MDGA2: variants seen among roughly 807,000 people sequenced by gnomAD.
MDGA2 encodes the protein MAM domain containing glycosylphosphatidylinositol anchor 2.
Under a neutral mutation model 117.8 loss-of-function variants are expected in MDGA2, and 40 were observed. The observed-to-expected ratio is 0.34, with a 90% CI of 0.26 to 0.44. The LOEUF is 0.44. MDGA2 is among the 20% of genes least tolerant of loss of function. The pLI is 1.00. For synonymous variants in MDGA2, 452 were observed against 439.0 expected, an observed-to-expected ratio of 1.03 and a Z score of -0.37; for missense variants, 1,123 against 1,250.6, an observed-to-expected ratio of 0.90 and a Z score of 1.54.
In MDGA2 at chr14:47,225,669, G is replaced by C. The variant is rs573351528; in HGVS notation, c.421-7474C>G. Among the ~76,000 whole-genome samples the C allele has an allele frequency of 9.7e-4, 147 of 151,694 alleles. 3 individuals carry two copies. Among genetic ancestry groups the C allele is most frequent in the African/African-American group, 3.3e-3 (136 of 41,320 alleles). On this transcript the variant is annotated intron_variant, in intron 2 of 16. Transcript: ENST00000399232. ...ACACTCTGGGGACTGTTGTGGGGTG[G>C]GGGGAGTGGGGAGGGATAGCATTAG...
chr14:47,517,711 G>C (rs957720412), intron 1 of MDGA2, among the ~76,000 whole-genome samples: 1 of 152,094 alleles, frequency 6.6e-6, no homozygotes, highest in Non-Finnish European at 1.5e-5. Flanking sequence ...CATAAGGCTA[G>C]AGTGAACTGA....
intron 1 of MDGA2, among the ~76,000 whole-genome samples, chr14:47,360,761 T>TA (rs1248646350): frequency 1.6e-4 from 24 of 152,304 alleles, no homozygotes; most frequent in South Asian, 2.1e-4. Context: ...CTTGTAGAGA[T>TA]ATCTGTGCTG....
intron 1 of MDGA2, among the ~76,000 whole-genome samples, chr14:47,396,227 T>C (rs1191728352): frequency 2.6e-5 from 4 of 152,192 alleles, no homozygotes; most frequent in African/African-American, 9.7e-5. Flanking sequence ...AGGCTTTCAT[T>C]ATTATAGTCA....
chr14:47,331,493 C>G lies in MDGA2; in HGVS notation c.281-29943G>C, dbSNP rs542503320. 2.0e-4 allele frequency among the ~76,000 whole-genome samples: 31 copies of G among 151,860 alleles called. No homozygotes were observed. The South Asian group carries it at 6.0e-3, about 29-fold the overall frequency. ...TAGTTTAGCTTATACACATAGACAT[C>G]TGAAAAAGTTCCTTTCACAATGCTT... On this transcript the variant is annotated intron_variant, in intron 1 of 16. Transcript: ENST00000399232.
chr14:47,589,888 A>T (rs1399992436), intron 1 of MDGA2, among the ~76,000 whole-genome samples: 1 of 151,898 alleles, frequency 6.6e-6, no homozygotes, highest in African/African-American at 2.4e-5. Flanking sequence ...CACTTTTGTG[A>T]GATTTACTCT....
chr14:47,091,028 T>A (rs1017534166), intron 6 of MDGA2, among the ~76,000 whole-genome samples: 2 of 152,182 alleles, frequency 1.3e-5, no homozygotes, highest in Admixed American at 6.5e-5. Flanking sequence ...TATAAGCTAC[T>A]CTTTTGGGAT....
At chr14:47,625,890 G>A (rs1455394921) in intron 1 of MDGA2, among the ~76,000 whole-genome samples, 1 of 152,154 alleles carries the variant, frequency 6.6e-6, no homozygotes, top group Non-Finnish European at 1.5e-5. Context: ...CTTAGCCTTT[G>A]CCCTCTCTTT....
chr14:47,371,270 G>A (rs1385055641), intron 1 of MDGA2, among the ~76,000 whole-genome samples: 3 of 151,696 alleles, frequency 2.0e-5, no homozygotes, highest in Non-Finnish European at 4.4e-5. Context: ...TTCAAATGCT[G>A]ATCTTTCTAA....
At chr14:46,975,008 A>G (rs1164558061) in intron 8 of MDGA2, among the ~76,000 whole-genome samples, 1 of 152,124 alleles carries the variant, frequency 6.6e-6, no homozygotes, top group Non-Finnish European at 1.5e-5. Flanking sequence ...TCAACAAAAA[A>G]GCAATAGCTC....
At chr14:46,958,283 C>T (rs879342019) in intron 8 of MDGA2, among the ~76,000 whole-genome samples, 1 of 151,750 alleles carries the variant, frequency 6.6e-6, no homozygotes, top group East Asian at 2.0e-4. Flanking sequence ...TACAAAGGTA[C>T]AAAATCTGAA....
intron 1 of MDGA2, among the ~76,000 whole-genome samples, chr14:47,549,904 C>G (rs1488144725): frequency 6.6e-6 from 1 of 152,170 alleles, no homozygotes; most frequent in East Asian, 1.9e-4. Flanking sequence ...CTTCTGGCCT[C>G]CAGAACTGTG....
chr14:47,645,031 T>C (rs1320971674), intron 1 of MDGA2, among the ~76,000 whole-genome samples: 2 of 152,144 alleles, frequency 1.3e-5, no homozygotes, highest in African/African-American at 4.8e-5. Context: ...GATTTTCCCC[T>C]AGAGCCTGCA....
intron 1 of MDGA2, among the ~76,000 whole-genome samples, chr14:47,448,762 A>G (rs10134925): frequency 0.31 from 47,108 of 152,012 alleles, 7,622 homozygotes; most frequent in South Asian, 0.52. Context: ...AAACCCCTGC[A>G]TTTATTGCTA....
intron 1 of MDGA2, among the ~76,000 whole-genome samples, chr14:47,458,007 ATTTT>A (rs34331194): frequency 1.4e-5 from 2 of 146,660 alleles, no homozygotes. Context: ...TCTTCCCCAT[ATTTT>A]TTTTTTTTTT....
Position 47,072,102 on chromosome 14 carries a change from G to GGT in MDGA2, c.1196-10525_1196-10524insAC, listed in dbSNP as rs1555349464. Among the ~76,000 whole-genome samples, 93 of 34,336 alleles carry GGT rather than the reference G, an allele frequency of 2.7e-3. 2 individuals are homozygous for GGT. The highest frequency in any genetic ancestry group is 0.011 in the South Asian group (9 of 818). The allele number at this position is 34,336 out of a possible 152,430, so 22.5% of individuals were successfully genotyped here. A position where few individuals can be genotyped will look rare whatever the true frequency, so the allele number is the denominator to read the frequency against. On this transcript the variant is annotated intron_variant, in intron 6 of 16. Transcript: ENST00000399232. Reference sequence around the variant, plus strand: ...GGAAGTTTGTTGGTTGTTGTTGTTTGGGGGGGGGGGGGTTTGCAGGTATTA... The same window carrying GGT: ...GGAAGTTTGTTGGTTGTTGTTGTTTGGTGGGGGGGGGGGGTTTGCAGGTATTA...
intron 6 of MDGA2, among the ~76,000 whole-genome samples, chr14:47,064,208 C>T (rs1267861116): frequency 2.0e-5 from 3 of 151,734 alleles, no homozygotes; most frequent in Admixed American, 6.6e-5. Flanking sequence ...GAACTCATAG[C>T]GAAAAACATT....
chr14:47,501,239 A>G (rs1894392844), intron 1 of MDGA2, among the ~76,000 whole-genome samples: 1 of 152,168 alleles, frequency 6.6e-6, no homozygotes, highest in Non-Finnish European at 1.5e-5. Flanking sequence ...AATGCACAAC[A>G]TTCTATGGGA....
chr14:47,241,552 G>A (rs1336074421), intron 2 of MDGA2, among the ~76,000 whole-genome samples: 1 of 151,862 alleles, frequency 6.6e-6, no homozygotes, highest in Non-Finnish European at 1.5e-5. Context: ...TAGCAAAGGT[G>A]TTTTCTTTAA....
chr14:47,045,555 G>A (rs183891584), intron 7 of MDGA2, among the ~76,000 whole-genome samples: 1 of 152,148 alleles, frequency 6.6e-6, no homozygotes, highest in Admixed American at 6.6e-5. Flanking sequence ...ACAGGAGCAA[G>A]ATATTTCAGC....
Sources: allele counts gnomAD v4.1 joint callset (sites outside exome capture counted in the v4.1 genomes callset), GRCh38; gene constraint gnomAD v4.1.1; transcripts MANE v1.5; gene names NCBI Gene and HGNC (gene_info 2026-07-23, HGNC 2026-07-21).